OLFM3: variants seen among roughly 807,000 people sequenced by gnomAD.
OLFM3 encodes noelin-3.
Under a neutral mutation model 48.6 loss-of-function variants are expected in OLFM3, and 20 were observed. The ratio of observed to expected loss-of-function variants is 0.41; its 90% CI spans 0.29 to 0.60. The LOEUF is 0.60. OLFM3 is among the 20% of genes least tolerant of loss of function. The pLI, the probability that OLFM3 is intolerant of heterozygous loss-of-function variation, is 0.28. For synonymous variants in OLFM3, 222 were observed against 198.1 expected (o/e 1.12, Z -1.01); for missense variants, 437 against 544.3 (o/e 0.80, Z 1.96).
At chr1:101,977,261 T>A (rs1170980113) in intron 1 of OLFM3, among the ~76,000 whole-genome samples, 1 of 152,204 alleles carries the variant, frequency 6.6e-6, no homozygotes, top group Non-Finnish European at 1.5e-5. Flanking sequence ...TTCACATGAT[T>A]ATTAAAATGG....
At chr1:101,837,849 G>A (rs1158818528) in intron 1 of OLFM3, 1 of 152,064 alleles carries the variant, frequency 6.6e-6, no homozygotes, top group Non-Finnish European at 1.5e-5. Flanking sequence ...TTCCTGCTTG[G>A]AATGCCTCCT....
chr1:101,833,741 A>G (rs1449818860), intron 2 of OLFM3, among the ~76,000 whole-genome samples: 2 of 152,028 alleles, frequency 1.3e-5, no homozygotes, highest in Non-Finnish European at 2.9e-5. Context: ...TGGTCACTTG[A>G]AAAAAAAGGT....
At chr1:101,994,156 T>C (rs1661493777) in intron 1 of OLFM3, among the ~76,000 whole-genome samples, 1 of 151,440 alleles carries the variant, frequency 6.6e-6, no homozygotes, top group Admixed American at 6.6e-5. Flanking sequence ...TTTTAAGAGC[T>C]TTCCCATTTT....
intron 1 of OLFM3, among the ~76,000 whole-genome samples, chr1:101,963,092 G>A (rs1421190379): frequency 1.3e-5 from 2 of 152,140 alleles, no homozygotes; most frequent in African/African-American, 4.8e-5. Context: ...TTCTCGCACT[G>A]GACACCTGGC....
At chr1:101,841,292 A>T (rs186411924) in intron 1 of OLFM3, among the ~76,000 whole-genome samples, 301 of 152,360 alleles carry the variant, frequency 2.0e-3, no homozygotes, top group Non-Finnish European at 3.3e-3. Context: ...AATAGACAGT[A>T]TTTAAATTTA....
intron 1 of OLFM3, among the ~76,000 whole-genome samples, chr1:101,991,764 G>C (rs1001901899): frequency 1.3e-5 from 2 of 150,294 alleles, no homozygotes; most frequent in Admixed American, 6.7e-5. Flanking sequence ...TTTGATAGGT[G>C]AATGGATTGA....
chr1:101,861,677 C>G (rs1656662874), intron 1 of OLFM3, among the ~76,000 whole-genome samples: 1 of 152,216 alleles, frequency 6.6e-6, no homozygotes, highest in Admixed American at 6.5e-5. Flanking sequence ...CTTCAACATT[C>G]TCTGACTCTA....
chr1:101,910,470 G>GAAAA (rs5776606), intron 1 of OLFM3, among the ~76,000 whole-genome samples: 9 of 123,052 alleles, frequency 7.3e-5, no homozygotes, highest in African/African-American at 2.6e-4. Context: ...CGTCTCAACT[G>GAAAA]AAAAAAAAAA....
chr1:101,848,252 T>C (rs1418928814), intron 1 of OLFM3, among the ~76,000 whole-genome samples: 1 of 152,144 alleles, frequency 6.6e-6, no homozygotes, highest in African/African-American at 2.4e-5. Context: ...AGAAATTGGT[T>C]ACAAAAAGGA....
chr1:101,915,132 AACAT>A (rs1658880044), intron 1 of OLFM3, among the ~76,000 whole-genome samples: 1 of 152,180 alleles, frequency 6.6e-6, no homozygotes. Context: ...TACGCAATAC[AACAT>A]TGCAGAAAAA....
intron 1 of OLFM3, among the ~76,000 whole-genome samples, chr1:101,974,944 G>A (rs1660910216): frequency 1.3e-5 from 2 of 152,096 alleles, no homozygotes; most frequent in Admixed American, 6.6e-5. Flanking sequence ...TTTCATAAAA[G>A]AGATGTCAGA....
chr1:101,906,613 C>T (rs1438370210), intron 1 of OLFM3, among the ~76,000 whole-genome samples: 1 of 152,022 alleles, frequency 6.6e-6, no homozygotes, highest in Non-Finnish European at 1.5e-5. Context: ...ACAATAAAAC[C>T]ATGGAAGAAC....
At chr1:101,865,484 T>C (rs1458398408) in intron 1 of OLFM3, among the ~76,000 whole-genome samples, 1 of 152,198 alleles carries the variant, frequency 6.6e-6, no homozygotes, top group Admixed American at 6.5e-5. Flanking sequence ...TGTTTTTAAA[T>C]GCTGTTTCAT....
intron 1 of OLFM3, among the ~76,000 whole-genome samples, chr1:101,903,072 A>T (rs1308387702): frequency 6.6e-6 from 1 of 152,094 alleles, no homozygotes; most frequent in Non-Finnish European, 1.5e-5. Context: ...GTACTTCCAG[A>T]ATGTGATAAC....
chr1:101,884,957 T>G (rs1657688427), intron 1 of OLFM3, among the ~76,000 whole-genome samples: 1 of 152,014 alleles, frequency 6.6e-6, no homozygotes, highest in African/African-American at 2.4e-5. Flanking sequence ...ATTACACATG[T>G]TACTCTATGG....
At chr1:101,954,749 G>A (rs1216063591) in intron 1 of OLFM3, among the ~76,000 whole-genome samples, 1 of 152,048 alleles carries the variant, frequency 6.6e-6, no homozygotes, top group Non-Finnish European at 1.5e-5. Flanking sequence ...TATCCTAGAG[G>A]AGGAGGAGTG....
intron 1 of OLFM3, among the ~76,000 whole-genome samples, chr1:101,971,277 CG>C (rs1660797036): frequency 6.6e-6 from 1 of 151,992 alleles, no homozygotes; most frequent in Admixed American, 6.6e-5. Flanking sequence ...GGTGCAGACA[CG>C]GGGATTGGTG....
chr1:101,989,984 A>G (rs1264654104), intron 1 of OLFM3, among the ~76,000 whole-genome samples: 1 of 152,204 alleles, frequency 6.6e-6, no homozygotes. Context: ...TAAGAAGTCC[A>G]TACTTTGCAC....
intron 1 of OLFM3, among the ~76,000 whole-genome samples, chr1:101,912,649 T>C (rs1480697444): frequency 6.6e-6 from 1 of 152,198 alleles, no homozygotes; most frequent in East Asian, 1.9e-4. Context: ...AAGAGAATCA[T>C]ACGATTGAGG....
Sources: gnomAD v4.1 joint callset for allele counts (sites outside exome capture counted in the v4.1 genomes callset) on GRCh38, gnomAD v4.1.1 for gene constraint, MANE v1.5 for transcripts, NCBI Gene and HGNC (gene_info 2026-07-23, HGNC 2026-07-21) for gene names.